Variants in ESRRG observed in about 807,000 individuals in gnomAD.
The protein encoded by ESRRG is estrogen related receptor gamma, also known as estrogen-related receptor gamma.
In ESRRG, 13 loss-of-function variants were observed where a neutral mutation model predicts 44.0. The observed-to-expected ratio is 0.30, with a 90% CI of 0.19 to 0.47. The LOEUF (loss-of-function observed/expected upper bound fraction) is 0.47, where lower values mean the gene tolerates loss of function less well. Among genes scored for constraint, ESRRG ranks in the 20% least tolerant of loss-of-function variants. The pLI is 1.00. For missense variants in ESRRG, 395 were observed against 580.6 expected (o/e 0.68, Z 3.29); for synonymous variants, 215 against 214.6 (o/e 1.00, Z -0.02).
At chr1:217,000,926 G>A (rs562097301) in intron 1 of ESRRG, among the ~76,000 whole-genome samples, 62 of 152,314 alleles carry the variant, frequency 4.1e-4, no homozygotes, top group Admixed American at 1.4e-3. Context: ...GGACAATGCC[G>A]TTCACCGGCA....
intron 1 of ESRRG, among the ~76,000 whole-genome samples, chr1:217,050,732 G>A (rs570533044): frequency 1.3e-5 from 2 of 152,186 alleles, no homozygotes; most frequent in Admixed American, 6.5e-5. Flanking sequence ...CAATGTTTTT[G>A]TTTACAAATG....
At chr1:217,035,365 G>A (rs1238160680) in intron 1 of ESRRG, among the ~76,000 whole-genome samples, 2 of 150,214 alleles carry the variant, frequency 1.3e-5, no homozygotes, top group African/African-American at 4.9e-5. Flanking sequence ...TACCAATGTG[G>A]TGTCTCAGTA....
rs538260569 is a variant in ESRRG at position 217,010,208 on chromosome 1, T to G, written c.-105-70535A>C. On this transcript the variant is annotated intron_variant, in intron 1 of 7. Transcript: ENST00000359162. Reference sequence around the variant, plus strand: ...ATGTAGTCATTAACACAATTTCTGATGAATAAACATACCCTCTTGCATTAT... The same window carrying G: ...ATGTAGTCATTAACACAATTTCTGAGGAATAAACATACCCTCTTGCATTAT... 2.6e-5 allele frequency among the ~76,000 whole-genome samples: 4 copies of G among 152,298 alleles called. No individual in the cohort carries two copies. In the South Asian group the frequency reaches 8.3e-4, roughly 32 times the overall value.
At chr1:216,798,602 A>G (rs2094534768) in intron 2 of ESRRG, among the ~76,000 whole-genome samples, 1 of 152,160 alleles carries the variant, frequency 6.6e-6, no homozygotes, top group Admixed American at 6.6e-5. Flanking sequence ...AGAAGGGAAG[A>G]ATCTATATAG....
intron 1 of ESRRG, among the ~76,000 whole-genome samples, chr1:217,123,234 A>G (rs2092845194): frequency 6.6e-6 from 1 of 152,164 alleles, no homozygotes; most frequent in African/African-American, 2.4e-5. Flanking sequence ...TATACCTAAC[A>G]GTATATCATG....
Position 217,075,461 on chromosome 1 carries a change from A to T in ESRRG, c.-106+14046T>A, listed in dbSNP as rs148500915. On this transcript the variant is annotated intron_variant, in intron 1 of 7. Transcript: ENST00000359162. ...GCTTCATAATCACCCTGTACCTAAC[A>T]CTTTTAGTCCTATCTTTCAGCTTGG... 6.1e-3 allele frequency among the ~76,000 whole-genome samples: 925 copies of T among 152,242 alleles called. 10 individuals are homozygous for T. Among genetic ancestry groups the T allele is most frequent in the African/African-American group, 0.021 (872 of 41,530 alleles).
intron 1 of ESRRG, among the ~76,000 whole-genome samples, chr1:216,989,465 T>C (rs1277606043): frequency 6.6e-6 from 1 of 150,512 alleles, no homozygotes. Flanking sequence ...GTGGGAGTGA[T>C]TTATAAATTT....
chr1:216,986,693 C>A (rs1224032169), intron 1 of ESRRG, among the ~76,000 whole-genome samples: 1 of 152,054 alleles, frequency 6.6e-6, no homozygotes, highest in Non-Finnish European at 1.5e-5. Flanking sequence ...CACGACTGTA[C>A]TCCAGCCTGG....
intron 3 of ESRRG, among the ~76,000 whole-genome samples, chr1:216,609,994 C>T (rs1012759348): frequency 2.6e-5 from 4 of 152,154 alleles, no homozygotes; most frequent in Middle Eastern, 3.2e-3. Context: ...TGATCAGTCT[C>T]CACAAAAGTG....
At chr1:216,561,577 C>T (rs1039258836) in intron 5 of ESRRG, among the ~76,000 whole-genome samples, 1 of 152,126 alleles carries the variant, frequency 6.6e-6, no homozygotes, top group Non-Finnish European at 1.5e-5. Context: ...CCCTGTCTCT[C>T]AGTCCATATA....
intron 1 of ESRRG, among the ~76,000 whole-genome samples, chr1:217,077,580 C>G (rs932074964): frequency 6.6e-6 from 1 of 152,090 alleles, no homozygotes; most frequent in Non-Finnish European, 1.5e-5. Context: ...CAGGTTTAAC[C>G]AGACTGCAAT....
intron 5 of ESRRG, among the ~76,000 whole-genome samples, chr1:216,553,604 G>A (rs2056900798): frequency 6.6e-6 from 1 of 152,060 alleles, no homozygotes. Context: ...AGATTAAGTT[G>A]AATTGACTAT....
At chr1:216,591,029 G>T (rs2057566692) in intron 3 of ESRRG, among the ~76,000 whole-genome samples, 1 of 152,142 alleles carries the variant, frequency 6.6e-6, no homozygotes, top group African/African-American at 2.4e-5. Context: ...TGCTCCTAAT[G>T]CCCTTGAAAT....
intron 2 of ESRRG, among the ~76,000 whole-genome samples, chr1:216,733,585 T>G (rs1575892596): frequency 6.6e-6 from 1 of 152,276 alleles, no homozygotes; most frequent in Admixed American, 6.5e-5. Context: ...GAGGAGAAAG[T>G]TACATATTTA....
intron 5 of ESRRG, among the ~76,000 whole-genome samples, chr1:216,553,957 G>A (rs1363941213): frequency 2.0e-5 from 3 of 152,112 alleles, no homozygotes; most frequent in East Asian, 1.9e-4. Flanking sequence ...CAATGGGGGC[G>A]TTATGACCAT....
chr1:216,712,322 A>G (rs911971540), intron 1 of ESRRG, among the ~76,000 whole-genome samples: 2 of 152,226 alleles, frequency 1.3e-5, no homozygotes, highest in Non-Finnish European at 2.9e-5. Flanking sequence ...AGACTGCACA[A>G]TAATGGAATA....
intron 3 of ESRRG, among the ~76,000 whole-genome samples, chr1:216,579,822 C>T (rs538656456): frequency 3.9e-5 from 6 of 152,264 alleles, no homozygotes; most frequent in South Asian, 4.1e-4. Context: ...CTTCAAATGT[C>T]ACTCCCTCAT....
intron 5 of ESRRG, among the ~76,000 whole-genome samples, chr1:216,556,822 T>C (rs992819919): frequency 6.6e-6 from 1 of 152,280 alleles, no homozygotes; most frequent in African/African-American, 2.4e-5. Flanking sequence ...GAATTTGTGC[T>C]GTATTCATGT....
At chr1:216,649,254 C>T (rs2068360085) in intron 3 of ESRRG, among the ~76,000 whole-genome samples, 1 of 152,086 alleles carries the variant, frequency 6.6e-6, no homozygotes, top group Admixed American at 6.6e-5. Context: ...CATGGGAAGA[C>T]CTTAGTACAT....
Sources: gnomAD v4.1 joint callset for allele counts (sites outside exome capture counted in the v4.1 genomes callset) on GRCh38, gnomAD v4.1.1 for gene constraint, MANE v1.5 for transcripts, NCBI Gene and HGNC (gene_info 2026-07-23, HGNC 2026-07-21) for gene names.